Variants in ITSN1 observed in about 807,000 individuals in gnomAD.
ITSN1 encodes intersectin-1.
ITSN1 carries 58 observed loss-of-function variants against 239.8 expected under a neutral mutation model. The observed-to-expected ratio is 0.24, with a 90% CI of 0.20 to 0.30. ITSN1 has a LOEUF of 0.30. Among genes scored for constraint, ITSN1 ranks in the 10% least tolerant of loss-of-function variants. The probability of loss-of-function intolerance (pLI) is 1.00; values close to 1 mark genes in which losing one functional copy is unlikely to be tolerated. For missense variants in ITSN1, 1,558 were observed against 2,103.3 expected, an observed-to-expected ratio of 0.74 and a Z score of 5.07; for synonymous variants, 780 against 770.8, an observed-to-expected ratio of 1.01 and a Z score of -0.20.
At chr21:33,825,320 C>T (rs1184244269) in intron 25 of ITSN1, among the ~76,000 whole-genome samples, 4 of 151,664 alleles carry the variant, frequency 2.6e-5, no homozygotes, top group Admixed American at 2.6e-4. Context: ...CTATACTATT[C>T]AATAATAATG....
chr21:33,676,029 T>A (rs1010639087), intron 1 of ITSN1, among the ~76,000 whole-genome samples: 2 of 151,686 alleles, frequency 1.3e-5, no homozygotes, highest in Admixed American at 6.6e-5. Context: ...TGATTTTCCT[T>A]TTTTTTGTTT....
chr21:33,803,773 A>G (rs890815151), intron 20 of ITSN1, among the ~76,000 whole-genome samples: 6 of 152,216 alleles, frequency 3.9e-5, no homozygotes, highest in Non-Finnish European at 8.8e-5. Context: ...GGACAAGTAT[A>G]TTAGAGAGTA....
chr21:33,792,189 C>G (rs1380192918), intron 16 of ITSN1, among the ~76,000 whole-genome samples: 1 of 151,940 alleles, frequency 6.6e-6, no homozygotes, highest in Non-Finnish European at 1.5e-5. Context: ...TTCTTGATTC[C>G]CAGTTCTGTA....
chr21:33,775,165 T>A, intron 14 of ITSN1, 57 bp downstream of exon 14: 4 of 1,537,958 alleles, frequency 2.6e-6, no homozygotes, highest in Non-Finnish European at 3.5e-6. Flanking sequence ...TTTTCTCTAA[T>A]TCATTTCATT....
At position 33,794,385 on chromosome 21, in the gene ITSN1, G is replaced by T; in HGVS notation, c.1869G>T (p.Lys623Asn). 1 of 1,613,916 alleles carries T rather than the reference G, an allele frequency of 6.2e-7. No individual in the cohort carries two copies. The highest frequency in any genetic ancestry group is 8.5e-7 in the Non-Finnish European group (1 of 1,179,944). ...IHNKQQLQKQ[K>N]SMEAERLKQK... ...ATAAGCAACAACTCCAGAAGCAAAA[G>T]TCCATGGAGGCTGAACGACTGAAAC... The change falls in exon 17 of 40, where the codon AAG becomes AAT. Residue 623 changes from lysine (K) to asparagine (N), a missense_variant. Around this residue, in one of 2 missense-constraint regions of ITSN1, gnomAD observed 982 missense variants for 1,209.9 expected, o/e 0.81. Transcript: ENST00000381318.
chr21:33,851,454 AGTG>A (rs1978312832), intron 29 of ITSN1, among the ~76,000 whole-genome samples: 1 of 150,936 alleles, frequency 6.6e-6, no homozygotes, highest in Non-Finnish European at 1.5e-5. Context: ...GCTGGAGTGC[AGTG>A]GTGCGACCTC....
chr21:33,880,343 A>G (rs1249631356), intron 34 of ITSN1, among the ~76,000 whole-genome samples: 1 of 152,164 alleles, frequency 6.6e-6, no homozygotes. Flanking sequence ...CATTGGATCC[A>G]ATGACACTTG....
At chr21:33,726,916 A>G (rs2065866010) in intron 4 of ITSN1, among the ~76,000 whole-genome samples, 1 of 152,204 alleles carries the variant, frequency 6.6e-6, no homozygotes, top group African/African-American at 2.4e-5. Flanking sequence ...CAAATATTTG[A>G]GTGATACGAA....
intron 31 of ITSN1, among the ~76,000 whole-genome samples, chr21:33,862,164 CAAAAAAAAA>C (rs59129090): frequency 1.3e-5 from 1 of 79,818 alleles, no homozygotes; most frequent in Non-Finnish European, 2.2e-5. Context: ...GACTGTGTCA[CAAAAAAAAA>C]AAAAAAAAAA....
At chr21:33,646,084 AAATT>A (rs1255968946) in intron 1 of ITSN1, among the ~76,000 whole-genome samples, 3 of 152,168 alleles carry the variant, frequency 2.0e-5, no homozygotes, top group African/African-American at 4.8e-5. Context: ...GTTACTTGTC[AAATT>A]AATCTATCAG....
intron 33 of ITSN1, among the ~76,000 whole-genome samples, chr21:33,870,950 C>T (rs532674890): frequency 1.3e-5 from 2 of 152,280 alleles, no homozygotes; most frequent in Non-Finnish European, 2.9e-5. Flanking sequence ...AGGCTGTTTA[C>T]ATCTGCGTAT....
intron 29 of ITSN1, among the ~76,000 whole-genome samples, chr21:33,840,522 TG>T (rs2074786387): frequency 6.6e-6 from 1 of 152,098 alleles, no homozygotes; most frequent in Admixed American, 6.6e-5. Context: ...CACGTGGGTC[TG>T]GCTGCATTTT....
In ITSN1 at chr21:33,897,410, A is replaced by G. The variant is rs1986846024; in HGVS notation, c.*9110A>G. 1 of 152,260 alleles carries G rather than the reference A, an allele frequency of 6.6e-6. No individual in the cohort carries two copies. The highest frequency in any genetic ancestry group is 1.5e-5 in the Non-Finnish European group (1 of 68,038). 9.4% of individuals were successfully genotyped at this position (152,260 alleles called of 1,614,324 possible). A position where few individuals can be genotyped will look rare whatever the true frequency, so the allele number is the denominator to read the frequency against. On this transcript the variant is annotated 3_prime_UTR_variant, in exon 40 of 40. Coordinates refer to ENST00000381318, the MANE Select transcript of ITSN1 (RefSeq NM_003024.3). ...ACGTATAGGTGGTGAACTTATGTGT[A>G]AATACATGTGTACAGATGAGAAACT...
Position 33,673,110 on chromosome 21 carries a change from A to G in ITSN1, c.-33+30397A>G, listed in dbSNP as rs141326604. The stretch of plus-strand genomic sequence containing the variant: ...AAAAGGTGATCCTGTCATTTGTGAC[A>G]ACATAGATGAACCTGGAGAGCATGC... On this transcript the variant is annotated intron_variant, in intron 1 of 39. Coordinates refer to ENST00000381318, the MANE Select transcript of ITSN1 (RefSeq NM_003024.3). Among the ~76,000 whole-genome samples, 550 of 152,358 alleles carry G rather than the reference A, an allele frequency of 3.6e-3. 3 individuals are homozygous for G. Among genetic ancestry groups the G allele is most frequent in the African/African-American group, 0.013 (531 of 41,580 alleles).
Position 33,882,607 on chromosome 21 carries a change from G to A in ITSN1, c.4554+152G>A. ...AATGCGATTTAGGGTGTCCGGAGTG[G>A]AGGACGATCCATATCCCGCCGCAGT... On this transcript the variant is annotated intron_variant, in intron 35 of 39. Coordinates refer to ENST00000381318, the MANE Select transcript of ITSN1 (RefSeq NM_003024.3). This position sits in a 1 kb window ranked among gnomAD's most constrained non-coding sequence, Gnocchi z 4.5. The A allele has an allele frequency of 1.5e-6, 1 of 652,986 alleles. No individual in the cohort carries two copies. The highest frequency in any genetic ancestry group is 2.6e-6 in the Non-Finnish European group (1 of 381,392). 40.4% of individuals were successfully genotyped at this position (652,986 alleles called of 1,614,324 possible).
intron 1 of ITSN1, among the ~76,000 whole-genome samples, chr21:33,689,837 G>T (rs150665961): frequency 2.0e-5 from 3 of 151,636 alleles, no homozygotes; most frequent in Non-Finnish European, 2.9e-5. Context: ...GCATGGTGGC[G>T]CACGCCTGTA....
chr21:33,692,609 A>G (rs1421185141), intron 1 of ITSN1, among the ~76,000 whole-genome samples: 10 of 152,172 alleles, frequency 6.6e-5, no homozygotes, highest in Admixed American at 5.9e-4. Context: ...TAGTTTCTTT[A>G]TACAACAGAA....
chr21:33,792,873 C>T (rs1001002118), intron 16 of ITSN1, among the ~76,000 whole-genome samples: 9 of 152,078 alleles, frequency 5.9e-5, no homozygotes, highest in Non-Finnish European at 1.5e-5. Flanking sequence ...GCCCCTTCTT[C>T]CTTTCTTTTT....
intron 39 of ITSN1, among the ~76,000 whole-genome samples, 160 bp from the exon 40 acceptor site, chr21:33,887,992 C>T (rs1986052755): frequency 6.6e-6 from 1 of 151,982 alleles, no homozygotes; most frequent in Non-Finnish European, 1.5e-5. Flanking sequence ...TTGGCAACTC[C>T]GCTGGGGAGC....
Sources: gnomAD v4.1 joint callset for allele counts (sites outside exome capture counted in the v4.1 genomes callset) on GRCh38, gnomAD v4.1.1 for gene constraint, gnomAD v4.1.1 regional missense constraint, Gnocchi (gnomAD v3.1) non-coding constraint, MANE v1.5 for transcripts, NCBI Gene and HGNC (gene_info 2026-07-23, HGNC 2026-07-21) for gene names.